SAP18: variants seen among roughly 807,000 people sequenced by gnomAD.
SAP18 encodes the protein Sin3A associated protein 18.
In SAP18, 4 loss-of-function variants were observed where a neutral mutation model predicts 18.6. The ratio of observed to expected loss-of-function variants is 0.21; its 90% CI spans 0.11 to 0.49. SAP18 has a LOEUF of 0.49. SAP18 is among the 20% of genes least tolerant of loss of function. The pLI, the probability that SAP18 is intolerant of heterozygous loss-of-function variation, is 0.98. For missense variants in SAP18, 170 were observed against 226.4 expected (o/e 0.75, Z 1.60); for synonymous variants, 112 against 82.8 (o/e 1.35, Z -1.92).
upstream of SAP18, chr13:21,140,504 T>G (rs1869408654): frequency 6.5e-7 from 1 of 1,538,818 alleles, no homozygotes; most frequent in Admixed American, 2.0e-5. Flanking sequence ...GCCCAGCCCC[T>G]GGCCGACTAT....
At chr13:21,140,459 A>T (rs1869403962), upstream of SAP18, 35 of 1,398,902 alleles carry the variant, frequency 2.5e-5, no homozygotes, top group Non-Finnish European at 3.3e-5. Context: ...CTCGCTCACC[A>T]CGCACGGAAG....
exon 4 of SAP18, chr13:21,148,568 G>A (rs1197555441): frequency 3.3e-5 from 5 of 152,166 alleles, no homozygotes; most frequent in African/African-American, 7.2e-5. Flanking sequence ...AAAATCTGAT[G>A]ATTCTGTGGA....
At chr13:21,145,136 G>T (rs572101575) in intron 2 of SAP18, among the ~76,000 whole-genome samples, 1 of 146,372 alleles carries the variant, frequency 6.8e-6, no homozygotes. Flanking sequence ...GCGCGATCTC[G>T]GCTCACTGCA....
chr13:21,146,742 T>A, intron 2 of SAP18, 63 bp from the exon 3 acceptor site: 1 of 1,294,482 alleles, frequency 7.7e-7, no homozygotes, highest in South Asian at 1.4e-5. Context: ...ATTGTTAGTA[T>A]CCCTTTTAAT....
At chr13:21,144,524 G>A (rs190087131) in intron 2 of SAP18, among the ~76,000 whole-genome samples, 1 of 152,006 alleles carries the variant, frequency 6.6e-6, no homozygotes, top group East Asian at 1.9e-4. Context: ...GGAAGGAAAG[G>A]CTGCTCTTAG....
chr13:21,144,353 C>T (rs769862034), intron 2 of SAP18, among the ~76,000 whole-genome samples: 8 of 135,708 alleles, frequency 5.9e-5, no homozygotes, highest in Non-Finnish European at 9.0e-5. Context: ...TGCAGTGAGC[C>T]GAGATCAGCG....
exon 1 of SAP18, chr13:21,140,670 G>T: frequency 6.2e-7 from 1 of 1,612,012 alleles, no homozygotes; most frequent in South Asian, 1.1e-5. Context: ...GAAACCGATC[G>T]ACCGCGAGAA....
At chr13:21,141,065 G>T (rs764333620) in intron 2 of SAP18, 70 bp downstream of exon 2, 88 of 971,102 alleles carry the variant, frequency 9.1e-5, no homozygotes, top group Admixed American at 1.6e-4. Flanking sequence ...GCCTTTGCCA[G>T]TGTAGAGTTA....
At chr13:21,147,512 C>G in exon 4 of SAP18, 1 of 636,362 alleles carries the variant, frequency 1.6e-6, no homozygotes, top group Non-Finnish European at 2.7e-6. Flanking sequence ...TACGAATAGT[C>G]TGTATGTTTC....
intron 2 of SAP18, among the ~76,000 whole-genome samples, chr13:21,143,488 T>G (rs1306562186): frequency 6.6e-6 from 1 of 152,188 alleles, no homozygotes; most frequent in African/African-American, 2.4e-5. Context: ...GAAGGTTGAT[T>G]TAGCTTATAT....
At chr13:21,142,576 C>T (rs1256894593) in intron 2 of SAP18, among the ~76,000 whole-genome samples, 1 of 152,060 alleles carries the variant, frequency 6.6e-6, no homozygotes, top group African/African-American at 2.4e-5. Flanking sequence ...ATCCACCCAC[C>T]TTGGCTTCCC....
exon 4 of SAP18, chr13:21,148,859 A>C (rs539763985): frequency 6.6e-6 from 1 of 152,222 alleles, no homozygotes; most frequent in Non-Finnish European, 1.5e-5. Flanking sequence ...TGCTTTGTCA[A>C]ATTCCACCCT....
At chr13:21,142,991 C>T (rs931597299) in intron 2 of SAP18, among the ~76,000 whole-genome samples, 1 of 152,184 alleles carries the variant, frequency 6.6e-6, no homozygotes, top group African/African-American at 2.4e-5. Flanking sequence ...TCAGTGAACT[C>T]ATTACAGTAT....
At chr13:21,147,903 G>C (rs563554731) in exon 4 of SAP18, 1 of 152,450 alleles carries the variant, frequency 6.6e-6, no homozygotes, top group Non-Finnish European at 1.5e-5. Flanking sequence ...AACACAATGA[G>C]CACTTAAGTT....
chr13:21,146,252 CAGG>C (rs1869646481), intron 2 of SAP18, among the ~76,000 whole-genome samples: 1 of 152,178 alleles, frequency 6.6e-6, no homozygotes, highest in Non-Finnish European at 1.5e-5. Flanking sequence ...GAGGCTGAGG[CAGG>C]AGAATTGCTT....
In SAP18 at chr13:21,142,892, A is replaced by C. The variant is rs74820846; in HGVS notation, c.239+1897A>C. On this transcript the variant is annotated intron_variant, in intron 2 of 3. Transcript: ENST00000621421. ...TAAGGACACTCTGTGCCTATTAATA[A>C]TTTCCCATTCCTCCCCTGCCCCATC... is the stretch of plus-strand genomic sequence containing the variant. Among the ~76,000 whole-genome samples, 1,096 of 152,126 alleles carry C rather than the reference A, an allele frequency of 7.2e-3. 12 individuals are homozygous for C. The highest frequency in any genetic ancestry group is 0.025 in the African/African-American group (1,034 of 41,482).
chr13:21,142,462 G>C (rs1355566505), intron 2 of SAP18, among the ~76,000 whole-genome samples: 2 of 151,622 alleles, frequency 1.3e-5, no homozygotes, highest in Non-Finnish European at 2.9e-5. Context: ...CAGTAGCTGG[G>C]ATTACAGGCG....
At chr13:21,147,598 A>G (rs1869693687) in exon 4 of SAP18, 1 of 385,978 alleles carries the variant, frequency 2.6e-6, no homozygotes, top group African/African-American at 2.1e-5. Flanking sequence ...ATATGTGTGT[A>G]ATCAGCCTGA....
Position 21,147,319 on chromosome 13 carries a change from T to C in SAP18, c.496T>C (p.Ser166Pro), listed in dbSNP as rs146801945. The C allele has an allele frequency of 3.8e-5, 61 of 1,613,340 alleles. No homozygotes were observed. Among genetic ancestry groups the C allele is most frequent in the Non-Finnish European group, 4.4e-5 (52 of 1,179,820 alleles). ...CCCTCCAAATCGGGCACCACCTCCT[T>C]CAGGGCGCATGAGACCATATTAAAT... The change falls in exon 4 of 4, where the codon TCA becomes CCA. Residue 166 changes from serine (S) to proline (P), a missense_variant. By Grantham distance (74) the Ser-to-Pro change is moderately conservative. This residue lies in a region of SAP18 where 110 missense variants were observed against 200.2 expected (regional missense o/e 0.55). Transcript: ENST00000621421.
Sources: allele counts gnomAD v4.1 joint callset (sites outside exome capture counted in the v4.1 genomes callset), GRCh38; gene constraint gnomAD v4.1.1; regional missense constraint gnomAD v4.1.1; transcripts MANE v1.5; gene names NCBI Gene and HGNC (gene_info 2026-07-23, HGNC 2026-07-21).